TMEM50B: variants seen among roughly 807,000 people sequenced by gnomAD.
TMEM50B encodes the protein transmembrane protein 50B, also known as HCV p7-trans-regulated protein 3.
A neutral mutation model predicts 23.4 loss-of-function variants in TMEM50B; 14 were observed. That is an observed-to-expected ratio of 0.60 (90% CI 0.39 to 0.93). The LOEUF is 0.93. TMEM50B is among the 40% of genes least tolerant of loss of function. The probability of loss-of-function intolerance (pLI) is 0.00; values close to 1 mark genes in which losing one functional copy is unlikely to be tolerated. For missense variants in TMEM50B, 159 were observed against 193.0 expected, an observed-to-expected ratio of 0.82 and a Z score of 1.04; for synonymous variants, 64 against 62.3, an observed-to-expected ratio of 1.03 and a Z score of -0.13.
chr21:33,436,025 C>T (rs923607672), intron 8 of TMEM50B, among the ~76,000 whole-genome samples: 9 of 152,030 alleles, frequency 5.9e-5, no homozygotes, highest in Non-Finnish European at 1.2e-4. Flanking sequence ...CGCGCCACTG[C>T]ACTCCAGCCT....
intron 8 of TMEM50B, among the ~76,000 whole-genome samples, chr21:33,433,224 G>A (rs937771026): frequency 6.6e-6 from 1 of 152,082 alleles, no homozygotes; most frequent in African/African-American, 2.4e-5. Context: ...GGGCCCCACT[G>A]CCCCTGGCAA....
intron 8 of TMEM50B, among the ~76,000 whole-genome samples, chr21:33,436,604 C>T (rs1297465506): frequency 6.6e-6 from 1 of 151,796 alleles, no homozygotes; most frequent in African/African-American, 2.4e-5. Context: ...CACCTGTAGT[C>T]CCAGCTACTT....
At chr21:33,444,363 C>G (rs1257205630), downstream of TMEM50B, among the ~76,000 whole-genome samples, 3 of 152,104 alleles carry the variant, frequency 2.0e-5, no homozygotes, top group African/African-American at 7.2e-5. Context: ...ATCTGGGCAA[C>G]ATGGTGAAAC....
intron 1 of TMEM50B, among the ~76,000 whole-genome samples, chr21:33,470,598 A>G (rs966067365): frequency 2.0e-5 from 3 of 151,632 alleles, no homozygotes; most frequent in Non-Finnish European, 2.9e-5. Flanking sequence ...TTAGCTGGGC[A>G]TGATGGCAGG....
downstream of TMEM50B, among the ~76,000 whole-genome samples, chr21:33,444,575 C>T (rs2084035711): frequency 6.6e-6 from 1 of 151,242 alleles, no homozygotes; most frequent in African/African-American, 2.4e-5. Context: ...TCTAAACTCA[C>T]AACTTCCATG....
chr21:33,477,904 G>A (rs960592224), intron 1 of TMEM50B, among the ~76,000 whole-genome samples: 3 of 151,992 alleles, frequency 2.0e-5, no homozygotes, highest in Admixed American at 6.6e-5. Context: ...GGGAGGCTGA[G>A]GCAGGTGGAT....
At chr21:33,454,620 T>C (rs1156891466) in intron 6 of TMEM50B, among the ~76,000 whole-genome samples, 1 of 152,122 alleles carries the variant, frequency 6.6e-6, no homozygotes, top group Non-Finnish European at 1.5e-5. Context: ...GTATTAATTC[T>C]GGTTTTTCCT....
At chr21:33,438,663 T>TGGCA (rs1250319916) in intron 8 of TMEM50B, among the ~76,000 whole-genome samples, 2 of 151,602 alleles carry the variant, frequency 1.3e-5, no homozygotes, top group African/African-American at 4.8e-5. Flanking sequence ...CTGAGTGTGG[T>TGGCA]GGCAGGCACC....
In TMEM50B at chr21:33,450,322, T is replaced by C. The variant is rs9983740; in HGVS notation, c.*496A>G. ...AAGCGATTCTCCTGCCTCAGCCTCC[T>C]AGGTAGTTGGGATTACAGGCACCCA... On this transcript the variant is annotated 3_prime_UTR_variant, in exon 7 of 7. Coordinates refer to ENST00000542230, the MANE Select transcript of TMEM50B (RefSeq NM_006134.7). 89,152 of 152,084 alleles carry C rather than the reference T, an allele frequency of 0.59. 28,181 individuals are homozygous for C. The highest frequency in any genetic ancestry group is 0.83 in the East Asian group (4,300 of 5,178). The allele number at this position is 152,084 out of a possible 1,614,324, so 9.4% of individuals were successfully genotyped here.
chr21:33,448,316 A>G (rs1185742659), downstream of TMEM50B, among the ~76,000 whole-genome samples: 1 of 151,904 alleles, frequency 6.6e-6, no homozygotes, highest in African/African-American at 2.4e-5. Context: ...TTTTAAAATG[A>G]AGAAACAGAA....
chr21:33,475,087 C>A (rs118022807), intron 1 of TMEM50B, among the ~76,000 whole-genome samples: 13,032 of 151,164 alleles, frequency 0.086, 772 homozygotes, highest in East Asian at 0.23. Flanking sequence ...CCACCACGAC[C>A]GGCTAATTTT....
At chr21:33,444,246 A>T (rs572385037), downstream of TMEM50B, among the ~76,000 whole-genome samples, 4 of 152,198 alleles carry the variant, frequency 2.6e-5, no homozygotes, top group East Asian at 7.7e-4. Context: ...ATGTAATTTC[A>T]ACATAAAAAG....
intron 4 of TMEM50B, among the ~76,000 whole-genome samples, chr21:33,464,146 G>A (rs1351743603): frequency 6.6e-6 from 1 of 151,756 alleles, no homozygotes; most frequent in Non-Finnish European, 1.5e-5. Flanking sequence ...CTGTGACTTT[G>A]GACACATTAT....
chr21:33,462,856 T>G (rs1345504643), intron 4 of TMEM50B, among the ~76,000 whole-genome samples: 14 of 152,232 alleles, frequency 9.2e-5, no homozygotes, highest in Admixed American at 9.2e-4. Context: ...TGATGAAAAG[T>G]AAGCGCGATC....
chr21:33,476,974 C>G (rs1028637134), intron 1 of TMEM50B, among the ~76,000 whole-genome samples: 1 of 151,810 alleles, frequency 6.6e-6, no homozygotes, highest in Non-Finnish European at 1.5e-5. Context: ...TAGGGTACAT[C>G]CAAACAACGG....
At chr21:33,473,885 C>T (rs1745578986) in intron 1 of TMEM50B, among the ~76,000 whole-genome samples, 1 of 152,142 alleles carries the variant, frequency 6.6e-6, no homozygotes, top group Non-Finnish European at 1.5e-5. Flanking sequence ...CTGATAGATG[C>T]TACATGAACG....
Position 33,450,856 on chromosome 21 carries a change from T to C in TMEM50B, c.439A>G (p.Ile147Val). Residue 147 changes from isoleucine to valine, a missense_variant, in exon 7 of 7, where the codon ATC becomes GTC. Ile to Val is a conservative substitution (Grantham distance 29). Coordinates refer to ENST00000542230, the MANE Select transcript of TMEM50B (RefSeq NM_006134.7). Reference protein sequence around the residue: ...QNALIFFSTLIYKFGRTEELW... With the variant: ...QNALIFFSTLVYKFGRTEELW... ...TCTTCGGTTCTTCCAAATTTGTAGA[T>C]CAGAGTGCTAGAAAGATAGGAAAAC... The C allele has an allele frequency of 6.2e-7, 1 of 1,613,060 alleles. No individual in the cohort carries two copies. Among genetic ancestry groups the C allele is most frequent in the East Asian group, 2.2e-5 (1 of 44,812 alleles).
chr21:33,469,668 T>C (rs2084295147), intron 1 of TMEM50B: 1 of 152,178 alleles, frequency 6.6e-6, no homozygotes, highest in Admixed American at 6.6e-5. Context: ...GGAACACTAA[T>C]GCTTGGGCTA....
chr21:33,477,373 C>T (rs1465457182), intron 1 of TMEM50B, among the ~76,000 whole-genome samples: 1 of 151,804 alleles, frequency 6.6e-6, no homozygotes, highest in African/African-American at 2.4e-5. Flanking sequence ...CATCAGTTGC[C>T]GAGCAATATT....
Sources: gnomAD v4.1 joint callset for allele counts (sites outside exome capture counted in the v4.1 genomes callset) on GRCh38, gnomAD v4.1.1 for gene constraint, MANE v1.5 for transcripts, NCBI Gene and HGNC (gene_info 2026-07-23, HGNC 2026-07-21) for gene names.